Variants in NAV3 observed in about 807,000 individuals in gnomAD.
NAV3 encodes the protein neuron navigator 3.
A neutral mutation model predicts 244.7 loss-of-function variants in NAV3; 87 were observed. The observed-to-expected ratio is 0.36, with a 90% CI of 0.30 to 0.42. NAV3 has a LOEUF of 0.42. Ranked by LOEUF, NAV3 falls within the 20% of genes least tolerant of loss-of-function variation. The pLI is 1.00. For missense variants in NAV3, 2,663 were observed against 2,893.3 expected, an observed-to-expected ratio of 0.92 and a Z score of 1.83; for synonymous variants, 1,126 against 1,042.2, an observed-to-expected ratio of 1.08 and a Z score of -1.55.
chr12:77,610,842 T>G (rs1173967026), intron 2 of NAV3, among the ~76,000 whole-genome samples: 1 of 151,926 alleles, frequency 6.6e-6, no homozygotes, highest in African/African-American at 2.4e-5. Flanking sequence ...AAAGAGATAT[T>G]TTAAGAGTCC....
chr12:78,185,814 A>G lies in NAV3; in HGVS notation c.5790+116A>G, dbSNP rs371456202. 1.1e-4 allele frequency: 88 copies of G among 834,548 alleles called. No homozygotes were observed. The Middle Eastern group carries it at 1.5e-3, about 14-fold the overall frequency. 51.7% of individuals were successfully genotyped at this position (834,548 alleles called of 1,614,324 possible). ...TATCCTACAACAATTGTGGATTGGCATTAGCTTAACATGTCATACAAACAT... is the reference window on the plus strand; with the variant it reads ...TATCCTACAACAATTGTGGATTGGCGTTAGCTTAACATGTCATACAAACAT... On this transcript the variant is annotated intron_variant, in intron 31 of 39. Coordinates refer to ENST00000397909, the MANE Select transcript of NAV3 (RefSeq NM_001024383.2).
chr12:77,728,136 T>C (rs947250476), intron 2 of NAV3, among the ~76,000 whole-genome samples: 2 of 151,890 alleles, frequency 1.3e-5, no homozygotes, highest in African/African-American at 4.8e-5. Context: ...TATAAAAAGA[T>C]GAGATCCAGT....
intron 2 of NAV3, among the ~76,000 whole-genome samples, chr12:77,747,541 C>G (rs1402885453): frequency 6.6e-6 from 1 of 152,108 alleles, no homozygotes; most frequent in African/African-American, 2.4e-5. Flanking sequence ...GGGTATACAC[C>G]CAAAGGACTA....
At chr12:77,933,693 C>T (rs1159594625) in intron 1 of NAV3, among the ~76,000 whole-genome samples, 7 of 152,076 alleles carry the variant, frequency 4.6e-5, no homozygotes, top group Non-Finnish European at 1.0e-4. Flanking sequence ...TTAATGGATT[C>T]GTTTCATAAT....
chr12:77,674,645 C>T (rs895221319), intron 2 of NAV3, among the ~76,000 whole-genome samples: 18 of 152,212 alleles, frequency 1.2e-4, no homozygotes, highest in African/African-American at 4.3e-4. Flanking sequence ...CCACCTCAGC[C>T]TCCCAAAGTG....
At chr12:77,843,771 A>T (rs897056098) in intron 1 of NAV3, among the ~76,000 whole-genome samples, 2 of 152,118 alleles carry the variant, frequency 1.3e-5, no homozygotes, top group Non-Finnish European at 2.9e-5. Flanking sequence ...CCAATGCCAA[A>T]CATCTCACAA....
chr12:77,663,772 T>C (rs1388041375), intron 2 of NAV3, among the ~76,000 whole-genome samples: 1 of 152,150 alleles, frequency 6.6e-6, no homozygotes. Flanking sequence ...TCGCCCGCCT[T>C]GGCCTTTCAA....
chr12:77,931,988 G>A (rs1177801765), intron 1 of NAV3, among the ~76,000 whole-genome samples: 1 of 151,940 alleles, frequency 6.6e-6, no homozygotes, highest in East Asian at 1.9e-4. Flanking sequence ...CTATAATGAT[G>A]GCCAGCTCAT....
chr12:77,661,069 A>C (rs1214031971), intron 2 of NAV3, among the ~76,000 whole-genome samples: 1 of 152,156 alleles, frequency 6.6e-6, no homozygotes, highest in Non-Finnish European at 1.5e-5. Context: ...CAAGGCTTTA[A>C]ATGTGTCTAA....
intron 1 of NAV3, among the ~76,000 whole-genome samples, chr12:77,883,402 G>A (rs1882901373): frequency 1.3e-5 from 2 of 151,988 alleles, no homozygotes; most frequent in African/African-American, 2.4e-5. Context: ...CACACATGGA[G>A]ATAACCATGG....
chr12:78,000,720 G>C (rs1382218162), intron 7 of NAV3, among the ~76,000 whole-genome samples: 1 of 149,164 alleles, frequency 6.7e-6, no homozygotes, highest in Non-Finnish European at 1.5e-5. Flanking sequence ...AGCCAGGATG[G>C]TCTCGATCTC....
At position 77,831,713 on chromosome 12, in the gene NAV3, C is replaced by T. The variant is rs754789936; in HGVS notation, c.243+9C>T. 9 of 1,589,472 alleles carry T rather than the reference C, an allele frequency of 5.7e-6. No individual in the cohort carries two copies. Among genetic ancestry groups the T allele is most frequent in the Middle Eastern group, 3.4e-4 (2 of 5,904 alleles). On this transcript the variant is annotated intron_variant, in intron 1 of 39. Coordinates refer to ENST00000397909, the MANE Select transcript of NAV3 (RefSeq NM_001024383.2). ...AGAAAGAAGACAGCAAGGTTAGTTG[C>T]TGAAGTTACCTGCAGACTTGTGTAG... is the stretch of plus-strand genomic sequence containing the variant.
chr12:77,853,396 C>T (rs182313478), intron 1 of NAV3, among the ~76,000 whole-genome samples: 34 of 152,316 alleles, frequency 2.2e-4, no homozygotes, highest in African/African-American at 7.7e-4. Context: ...GTCAAATATG[C>T]ATATTGTGAA....
intron 2 of NAV3, among the ~76,000 whole-genome samples, chr12:77,662,058 A>G (rs1161423834): frequency 6.6e-6 from 1 of 152,018 alleles, no homozygotes; most frequent in African/African-American, 2.4e-5. Context: ...AAAATTTAGA[A>G]TTAGCTTATT....
chr12:77,583,836 C>T (rs142276487), intron 2 of NAV3, among the ~76,000 whole-genome samples: 352 of 152,292 alleles, frequency 2.3e-3, no homozygotes, highest in African/African-American at 7.6e-3. Context: ...CATTCCCCCT[C>T]CAACCTGTCT....
intron 12 of NAV3, among the ~76,000 whole-genome samples, chr12:78,090,671 T>A (rs182598006): frequency 0.011 from 1,618 of 152,236 alleles, 34 homozygotes; most frequent in African/African-American, 0.037. Context: ...ATATATTTTT[T>A]AAAAATATTT....
intron 20 of NAV3, among the ~76,000 whole-genome samples, chr12:78,145,474 T>C (rs1376103503): frequency 6.6e-6 from 1 of 152,214 alleles, no homozygotes; most frequent in East Asian, 1.9e-4. Context: ...GAGATTGTTT[T>C]TCAGCTTTGG....
At chr12:77,778,623 A>C (rs990334668) in intron 2 of NAV3, among the ~76,000 whole-genome samples, 1 of 151,820 alleles carries the variant, frequency 6.6e-6, no homozygotes, top group Admixed American at 6.6e-5. Context: ...GAAAAAAAAA[A>C]AAAAAAAAGA....
At chr12:77,850,502 G>T (rs1877346165) in intron 1 of NAV3, among the ~76,000 whole-genome samples, 1 of 152,154 alleles carries the variant, frequency 6.6e-6, no homozygotes, top group Non-Finnish European at 1.5e-5. Context: ...TATTCTTCTT[G>T]CTTTCTTTCA....
Sources: gnomAD v4.1 joint callset for allele counts (sites outside exome capture counted in the v4.1 genomes callset) on GRCh38, gnomAD v4.1.1 for gene constraint, MANE v1.5 for transcripts, NCBI Gene and HGNC (gene_info 2026-07-23, HGNC 2026-07-21) for gene names.